ENTREP2: variants seen among roughly 807,000 people sequenced by gnomAD.
ENTREP2 encodes the protein protein ENTREP2.
chr15:29,535,347 T>C, the ENTREP2 span, among the ~76,000 whole-genome samples: 326 of 151,668 alleles, frequency 2.1e-3, 1 homozygote, highest in African/African-American at 7.6e-3. Context: ...CTTTGTATAA[T>C]AAAATGGTGT....
the ENTREP2 span, among the ~76,000 whole-genome samples, chr15:29,144,386 G>A: frequency 2.6e-5 from 4 of 152,104 alleles, no homozygotes; most frequent in Non-Finnish European, 4.4e-5. Context: ...ACAACTACCC[G>A]CAAGGAAAAG....
chr15:29,168,743 A>G, the ENTREP2 span, among the ~76,000 whole-genome samples: 2 of 152,190 alleles, frequency 1.3e-5, no homozygotes, highest in Non-Finnish European at 2.9e-5. Context: ...ACCACCAGTA[A>G]CACATGTGCT....
chr15:29,567,809 A>G, the ENTREP2 span, among the ~76,000 whole-genome samples: 3 of 152,334 alleles, frequency 2.0e-5, no homozygotes, highest in South Asian at 4.1e-4. Flanking sequence ...TTGTTTCTAC[A>G]ATGGGTTTTC....
the ENTREP2 span, among the ~76,000 whole-genome samples, chr15:29,491,745 G>A: frequency 6.6e-6 from 1 of 152,180 alleles, no homozygotes; most frequent in Non-Finnish European, 1.5e-5. Context: ...GAGATAGCCA[G>A]CATAGGGGAA....
chr15:29,214,759 G>T, the ENTREP2 span, among the ~76,000 whole-genome samples: 1 of 151,724 alleles, frequency 6.6e-6, no homozygotes, highest in Non-Finnish European at 1.5e-5. Flanking sequence ...GGTTTTGAAG[G>T]TTCCTTTTGG....
At chr15:29,414,726 G>A in the ENTREP2 span, among the ~76,000 whole-genome samples, 1 of 152,088 alleles carries the variant, frequency 6.6e-6, no homozygotes, top group African/African-American at 2.4e-5. Flanking sequence ...TTTCTGAAAA[G>A]ATCAACAAAA....
At chr15:29,556,452 G>C in the ENTREP2 span, among the ~76,000 whole-genome samples, 1 of 152,164 alleles carries the variant, frequency 6.6e-6, no homozygotes, top group African/African-American at 2.4e-5. Context: ...GGAAGGGAGG[G>C]AGGGAGGAAA....
the ENTREP2 span, among the ~76,000 whole-genome samples, chr15:29,229,586 GA>G: frequency 6.6e-6 from 1 of 152,096 alleles, no homozygotes; most frequent in Non-Finnish European, 1.5e-5. Flanking sequence ...TGCCAAATGT[GA>G]AAAAGGATTT....
At chr15:29,327,422 G>A in the ENTREP2 span, among the ~76,000 whole-genome samples, 2 of 151,882 alleles carry the variant, frequency 1.3e-5, no homozygotes, top group African/African-American at 4.8e-5. Flanking sequence ...GTGAAACCCC[G>A]TCTCTACTAA....
chr15:29,373,719 A>G, the ENTREP2 span: 3 of 152,174 alleles, frequency 2.0e-5, no homozygotes, highest in African/African-American at 7.2e-5. Context: ...TTGGATTTAA[A>G]TGGTTATTTT....
chr15:29,371,959 C>T, the ENTREP2 span, among the ~76,000 whole-genome samples: 8 of 147,926 alleles, frequency 5.4e-5, no homozygotes, highest in South Asian at 1.7e-3. Flanking sequence ...TAAAGAGATA[C>T]AATCAAAGAA....
the ENTREP2 span, among the ~76,000 whole-genome samples, chr15:29,141,270 C>T: frequency 6.6e-5 from 10 of 152,318 alleles, no homozygotes; most frequent in South Asian, 2.1e-3. Context: ...GTCTCTGGGC[C>T]CTGCCTGGGC....
chr15:29,446,414 G>A, the ENTREP2 span, among the ~76,000 whole-genome samples: 2 of 152,056 alleles, frequency 1.3e-5, no homozygotes, highest in Non-Finnish European at 2.9e-5. Context: ...GGTTCCCCAC[G>A]TTTCTGTTTC....
the ENTREP2 span, among the ~76,000 whole-genome samples, chr15:29,245,054 TGTAATCATTTCC>T: frequency 6.6e-6 from 1 of 152,066 alleles, no homozygotes; most frequent in Non-Finnish European, 1.5e-5. Context: ...CAGAAGAAAA[TGTAATCATTTCC>T]TCTGACAAAC....
the ENTREP2 span, among the ~76,000 whole-genome samples, chr15:29,219,303 CA>C: frequency 6.6e-6 from 1 of 151,860 alleles, no homozygotes; most frequent in Non-Finnish European, 1.5e-5. Flanking sequence ...ATCAAAAAAT[CA>C]AAAAATCAAA....
chr15:29,269,714 C>T, the ENTREP2 span: 8 of 1,508,524 alleles, frequency 5.3e-6, no homozygotes, highest in South Asian at 7.8e-5. Flanking sequence ...ATGTCTCCGG[C>T]GGCAGGTGCC....
At chr15:29,627,153 T>C in the ENTREP2 span, among the ~76,000 whole-genome samples, 1 of 152,064 alleles carries the variant, frequency 6.6e-6, no homozygotes, top group Admixed American at 6.5e-5. Context: ...TTCGATGTGA[T>C]GTGTTTTCGT....
the ENTREP2 span, among the ~76,000 whole-genome samples, chr15:29,596,809 C>G: frequency 1.3e-5 from 2 of 152,078 alleles, no homozygotes; most frequent in Non-Finnish European, 2.9e-5. Context: ...GCTGGGATTA[C>G]AGGCGCCCGC....
the ENTREP2 span, among the ~76,000 whole-genome samples, chr15:29,161,329 A>G: frequency 1.3e-5 from 2 of 152,154 alleles, no homozygotes; most frequent in Non-Finnish European, 2.9e-5. Context: ...CTCACCACAC[A>G]TGTGCAGGCA....
Sources: allele counts gnomAD v4.1 joint callset (sites outside exome capture counted in the v4.1 genomes callset), GRCh38; gene constraint gnomAD v4.1.1; transcripts MANE v1.5; gene names NCBI Gene and HGNC (gene_info 2026-07-23, HGNC 2026-07-21).